Variants in CCDC3 observed in about 807,000 individuals in gnomAD.
CCDC3 encodes coiled-coil domain-containing protein 3.
Under a neutral mutation model 21.4 loss-of-function variants are expected in CCDC3, and 24 were observed. The ratio of observed to expected loss-of-function variants is 1.12; its 90% confidence interval spans 0.81 to 1.58. CCDC3 has a LOEUF of 1.58. CCDC3 is among the 40% of genes most tolerant of loss of function. The pLI is 0.00. For missense variants in CCDC3, 425 were observed against 360.9 expected, an observed-to-expected ratio of 1.18 and a Z score of -1.44; for synonymous variants, 186 against 166.0, an observed-to-expected ratio of 1.12 and a Z score of -0.93.
chr10:12,926,839 C>T (rs1036377544), intron 2 of CCDC3, among the ~76,000 whole-genome samples: 1 of 152,104 alleles, frequency 6.6e-6, no homozygotes, highest in African/African-American at 2.4e-5. Flanking sequence ...CTAGAGATAA[C>T]AGGATATTTC....
chr10:12,941,815 C>T (rs1834835644), intron 2 of CCDC3, among the ~76,000 whole-genome samples: 1 of 152,124 alleles, frequency 6.6e-6, no homozygotes, highest in Admixed American at 6.5e-5. Context: ...TTTGAGACCC[C>T]TTTGTAATAG....
chr10:13,056,597 T>C (rs1836684119), intron 4 of CCDC3, among the ~76,000 whole-genome samples: 1 of 152,168 alleles, frequency 6.6e-6, no homozygotes, highest in African/African-American at 2.4e-5. Flanking sequence ...ATTGAATGCA[T>C]TTCCCCCAAC....
At chr10:13,035,869 G>C (rs1836371004) in intron 5 of CCDC3, among the ~76,000 whole-genome samples, 1 of 152,204 alleles carries the variant, frequency 6.6e-6, no homozygotes, top group Non-Finnish European at 1.5e-5. Context: ...TGCCCGGCCA[G>C]GCATGGTGGC....
At chr10:12,920,784 C>CT (rs1834438862) in intron 2 of CCDC3, among the ~76,000 whole-genome samples, 1 of 152,210 alleles carries the variant, frequency 6.6e-6, no homozygotes, top group South Asian at 2.1e-4. Context: ...ACTGACGTCA[C>CT]TTGCCTAAGT....
At chr10:12,911,837 C>T (rs1474362809) in intron 2 of CCDC3, among the ~76,000 whole-genome samples, 2 of 152,098 alleles carry the variant, frequency 1.3e-5, no homozygotes, top group Non-Finnish European at 2.9e-5. Flanking sequence ...TGGTAACTGC[C>T]ATTCTACTTT....
intron 3 of CCDC3, chr10:13,074,144 TATATATATA>T (rs1266398323): frequency 1.5e-4 from 3 of 20,420 alleles, no homozygotes; most frequent in Non-Finnish European, 1.9e-4. Context: ...TATATATATA[TATATATATA>T]TTTTTTTTTT....
At chr10:12,903,842 C>A (rs1413951249) in intron 2 of CCDC3, among the ~76,000 whole-genome samples, 1 of 93,502 alleles carries the variant, frequency 1.1e-5, no homozygotes, top group African/African-American at 3.5e-5. Context: ...TCAAAGCACA[C>A]TGATTGTAGA....
chr10:12,991,377 G>A (rs1193526826), intron 2 of CCDC3, among the ~76,000 whole-genome samples: 2 of 151,900 alleles, frequency 1.3e-5, no homozygotes, highest in Admixed American at 1.3e-4. Context: ...CTGGAGTGCA[G>A]TGGCATGATC....
At chr10:13,049,086 A>G (rs1228130741) in intron 5 of CCDC3, among the ~76,000 whole-genome samples, 1 of 152,210 alleles carries the variant, frequency 6.6e-6, no homozygotes, top group East Asian at 1.9e-4. Context: ...CATCTTAGGC[A>G]TCTAATCTCT....
Position 12,935,143 on chromosome 10 carries a change from G to C in CCDC3, c.550-36464C>G, listed in dbSNP as rs535031916. On this transcript the variant is annotated intron_variant, in intron 2 of 2. Transcript: ENST00000378825. ...TCCTCCCACATCAGCCTTCCAAAGT[G>C]TTGGGATTATAGGTGTGAGCCACCA... Among the ~76,000 whole-genome samples, 6 of 152,128 alleles carry C rather than the reference G, an allele frequency of 3.9e-5. No homozygotes were observed. In the South Asian group the frequency reaches 1.2e-3, roughly 32 times the overall value.
intron 2 of CCDC3, among the ~76,000 whole-genome samples, chr10:12,960,318 A>G (rs565226008): frequency 6.6e-6 from 1 of 152,240 alleles, no homozygotes; most frequent in South Asian, 2.1e-4. Context: ...TTATTTCATT[A>G]TCTTTGAGTG....
intron 4 of CCDC3, among the ~76,000 whole-genome samples, chr10:13,064,972 C>T (rs1367758967): frequency 6.6e-6 from 1 of 151,852 alleles, no homozygotes; most frequent in East Asian, 1.9e-4. Flanking sequence ...AGAGGGATGA[C>T]TTTGAATAGA....
At chr10:13,007,499 T>C (rs764944563) in intron 5 of CCDC3, among the ~76,000 whole-genome samples, 10 of 152,190 alleles carry the variant, frequency 6.6e-5, no homozygotes, top group African/African-American at 2.2e-4. Context: ...CTGATATATA[T>C]AGGCAGTCTT....
intron 5 of CCDC3, among the ~76,000 whole-genome samples, chr10:13,043,567 AG>A (rs1207070761): frequency 6.6e-6 from 1 of 152,140 alleles, no homozygotes; most frequent in Non-Finnish European, 1.5e-5. Context: ...CATTCCAGCC[AG>A]GGGGGACAGA....
intron 2 of CCDC3, among the ~76,000 whole-genome samples, chr10:12,950,020 A>C (rs191826287): frequency 1.3e-4 from 20 of 152,268 alleles, no homozygotes; most frequent in South Asian, 6.2e-4. Flanking sequence ...TGTCACATCC[A>C]AGCCCATCAT....
chr10:12,912,087 T>C (rs1372196462), intron 2 of CCDC3, among the ~76,000 whole-genome samples: 3 of 152,238 alleles, frequency 2.0e-5, no homozygotes, highest in African/African-American at 7.2e-5. Flanking sequence ...CTATTGTAAG[T>C]AATGCTTCAG....
rs1033184732 is a variant in CCDC3 at position 12,969,619 on chromosome 10, TAAAA to T, written c.549+28715_549+28718del. Among the ~76,000 whole-genome samples the T allele has an allele frequency of 2.6e-5, 4 of 151,086 alleles. No individual in the cohort carries two copies. The South Asian group carries it at 6.2e-4, about 24-fold the overall frequency. The stretch of plus-strand genomic sequence containing the variant: ...AAGTGTTTATTGACAGATGAATGGA[TAAAA>T]AAAGTTTTTTTATATAATATATATG... On this transcript the variant is annotated intron_variant, in intron 2 of 2. Coordinates refer to ENST00000378825, the MANE Select transcript of CCDC3 (RefSeq NM_031455.4).
rs539952627 is a variant in CCDC3, at chr10:12,964,297, G to A, written c.549+34041C>T. Among the ~76,000 whole-genome samples the A allele has an allele frequency of 8.5e-5, 13 of 152,050 alleles. No homozygotes were observed. In the South Asian group the frequency reaches 1.7e-3, roughly 19 times the overall value. ...TGAGGCAGGAGAATCGCTTGAACCC[G>A]GGAGGCAGAGGTTGCAGTGAGCTGA... On this transcript the variant is annotated intron_variant, in intron 2 of 2. Coordinates refer to ENST00000378825, the MANE Select transcript of CCDC3 (RefSeq NM_031455.4).
At chr10:13,015,430 C>T (rs892114621) in intron 5 of CCDC3, among the ~76,000 whole-genome samples, 1 of 152,048 alleles carries the variant, frequency 6.6e-6, no homozygotes, top group Non-Finnish European at 1.5e-5. Flanking sequence ...TACCCTGGGT[C>T]TTCTGGCATT....
Sources: gnomAD v4.1 joint callset for allele counts (sites outside exome capture counted in the v4.1 genomes callset) on GRCh38, gnomAD v4.1.1 for gene constraint, MANE v1.5 for transcripts, NCBI Gene and HGNC (gene_info 2026-07-23, HGNC 2026-07-21) for gene names.